The following RPS6KA5 variants were observed in gnomAD, a reference collection of about 807,000 sequenced individuals.
The protein encoded by RPS6KA5 is ribosomal protein S6 kinase A5.
In RPS6KA5, 27 loss-of-function variants were observed where a neutral mutation model predicts 85.5. The ratio of observed to expected loss-of-function variants is 0.32; its 90% confidence interval spans 0.23 to 0.44. RPS6KA5 has a LOEUF of 0.44. Ranked by LOEUF, RPS6KA5 falls within the 20% of genes least tolerant of loss-of-function variation. RPS6KA5 has a pLI of 1.00. For synonymous variants in RPS6KA5, 334 were observed against 348.2 expected (o/e 0.96, Z 0.46); for missense variants, 811 against 980.9 (o/e 0.83, Z 2.31).
chr14:90,987,145 T>C (rs1261833820), intron 2 of RPS6KA5, among the ~76,000 whole-genome samples: 1 of 152,340 alleles, frequency 6.6e-6, no homozygotes, highest in African/African-American at 2.4e-5. Context: ...CACTGAAGCA[T>C]AAGGTATAGT....
chr14:91,047,191 A>T (rs938804102), intron 1 of RPS6KA5, among the ~76,000 whole-genome samples: 6 of 152,246 alleles, frequency 3.9e-5, no homozygotes, highest in African/African-American at 1.2e-4. Flanking sequence ...TCCAGAAAAG[A>T]TGTAAGGCAA....
At chr14:90,905,177 A>C (rs1292724882) in intron 8 of RPS6KA5, among the ~76,000 whole-genome samples, 1 of 152,050 alleles carries the variant, frequency 6.6e-6, no homozygotes, top group African/African-American at 2.4e-5. Context: ...TTTTTTGAGC[A>C]CAGAAGAGCA....
chr14:90,848,952 C>T lies in RPS6KA5; in HGVS notation c.*23122G>A. 6.6e-6 allele frequency: 1 copy of T among 152,226 alleles called. No individual in the cohort carries two copies. Among genetic ancestry groups the T allele is most frequent in the Non-Finnish European group, 1.5e-5 (1 of 68,042 alleles). The allele number at this position is 152,226 out of a possible 1,614,324, so 9.4% of individuals were successfully genotyped here. ...TACGCAGGGAAAGAACCTCATTAAG[C>T]CAGGCAGAGGATGGCAAAGATCAAC... On this transcript the variant is annotated 3_prime_UTR_variant, in exon 17 of 17. Transcript: ENST00000614987.
chr14:90,871,189 T>C lies in RPS6KA5; in HGVS notation c.*885A>G, dbSNP rs2033087198. The C allele has an allele frequency of 6.6e-6, 1 of 152,590 alleles. No individual in the cohort carries two copies. The highest frequency in any genetic ancestry group is 2.1e-4 in the South Asian group (1 of 4,824). 9.5% of individuals were successfully genotyped at this position (152,590 alleles called of 1,614,324 possible). A position where few individuals can be genotyped will look rare whatever the true frequency, so the allele number is the denominator to read the frequency against. The stretch of plus-strand genomic sequence containing the variant: ...ACACAACATGCCCCATTCTACTTGT[T>C]GCATACAAAGTAGAAGAGGAATGTG... On this transcript the variant is annotated 3_prime_UTR_variant, in exon 17 of 17. Coordinates refer to ENST00000614987, the MANE Select transcript of RPS6KA5 (RefSeq NM_004755.4).
intron 14 of RPS6KA5, among the ~76,000 whole-genome samples, chr14:90,875,665 A>T (rs1408639922): frequency 6.6e-6 from 1 of 151,944 alleles, no homozygotes. Flanking sequence ...ATGTCCAACA[A>T]CGATAGACTG....
chr14:90,925,941 C>CAAAAAAAAAAAAAAAAAAAAAAAAAAAA (rs71117389), intron 5 of RPS6KA5, among the ~76,000 whole-genome samples: 1 of 73,526 alleles, frequency 1.4e-5, no homozygotes, highest in Non-Finnish European at 2.5e-5. Context: ...GACCCTGACT[C>CAAAAAAAAAAAAAAAAAAAAAAAAAAAA]AAAAAAAAAA....
In RPS6KA5 at chr14:90,849,999, C is replaced by T. The variant is rs916676028; in HGVS notation, c.*22075G>A. Reference sequence around the variant, plus strand: ...TCGCTTGAGCCCAGCCTGGGCAACACTGTGAGACCCCACCTATATTTAAAA... The same window carrying T: ...TCGCTTGAGCCCAGCCTGGGCAACATTGTGAGACCCCACCTATATTTAAAA... On this transcript the variant is annotated 3_prime_UTR_variant, in exon 17 of 17. Transcript: ENST00000614987. 3 of 152,312 alleles carry T rather than the reference C, an allele frequency of 2.0e-5. No individual in the cohort carries two copies. The highest frequency in any genetic ancestry group is 4.4e-5 in the Non-Finnish European group (3 of 68,116). The allele number at this position is 152,312 out of a possible 1,614,324, so 9.4% of individuals were successfully genotyped here.
intron 1 of RPS6KA5, among the ~76,000 whole-genome samples, chr14:91,037,056 C>T (rs9323856): frequency 0.033 from 5,077 of 152,256 alleles, 203 homozygotes; most frequent in African/African-American, 0.11. Flanking sequence ...CCCCTCCTGC[C>T]TTTGGTCACT....
At chr14:90,914,594 C>A (rs189058468) in intron 7 of RPS6KA5, among the ~76,000 whole-genome samples, 3 of 152,222 alleles carry the variant, frequency 2.0e-5, no homozygotes, top group Admixed American at 2.0e-4. Context: ...GGATTACAAG[C>A]GTGAGCCACT....
intron 2 of RPS6KA5, among the ~76,000 whole-genome samples, chr14:90,983,024 G>T (rs1180734231): frequency 4.0e-5 from 6 of 151,770 alleles, no homozygotes; most frequent in African/African-American, 1.5e-4. Flanking sequence ...GACGCAGGAG[G>T]ATGGCATGAA....
intron 3 of RPS6KA5, among the ~76,000 whole-genome samples, chr14:90,974,109 T>C (rs1019686379): frequency 7.1e-6 from 1 of 139,966 alleles, no homozygotes; most frequent in Non-Finnish European, 1.5e-5. Context: ...AGAAAAAATA[T>C]AACCTTATGA....
intron 7 of RPS6KA5, among the ~76,000 whole-genome samples, chr14:90,907,908 C>A (rs930879802): frequency 3.9e-5 from 6 of 152,170 alleles, no homozygotes; most frequent in Non-Finnish European, 8.8e-5. Flanking sequence ...CTCTACTGTA[C>A]TTTTTGCAGG....
chr14:90,937,727 G>C (rs2037345549), intron 5 of RPS6KA5, among the ~76,000 whole-genome samples: 1 of 152,162 alleles, frequency 6.6e-6, no homozygotes, highest in South Asian at 2.1e-4. Flanking sequence ...GAGAGAACTT[G>C]TGCAGGAAAA....
chr14:90,956,369 CCA>C lies in RPS6KA5; in HGVS notation c.395-8821_395-8820del, dbSNP rs960972184. Among the ~76,000 whole-genome samples the C allele has an allele frequency of 3.0e-4, 45 of 151,968 alleles. 1 individual carries two copies. Among genetic ancestry groups the C allele is most frequent in the Non-Finnish European group, 1.8e-4 (12 of 67,968 alleles). Reference sequence around the variant, plus strand: ...TCCAGCTTTCTTGTGGTTGCTGTTTCCACAGTTTATCTTTTTAATCATTTTTC... The same window carrying C: ...TCCAGCTTTCTTGTGGTTGCTGTTTCCAGTTTATCTTTTTAATCATTTTTC... On this transcript the variant is annotated intron_variant, in intron 3 of 16. Coordinates refer to ENST00000614987, the MANE Select transcript of RPS6KA5 (RefSeq NM_004755.4).
chr14:90,965,534 A>G (rs543907767), intron 3 of RPS6KA5, among the ~76,000 whole-genome samples: 1 of 152,304 alleles, frequency 6.6e-6, no homozygotes, highest in East Asian at 1.9e-4. Flanking sequence ...AGAGGAAGAC[A>G]GTAATGGGAT....
At chr14:90,949,181 C>A (rs565914235) in intron 3 of RPS6KA5, among the ~76,000 whole-genome samples, 1 of 152,174 alleles carries the variant, frequency 6.6e-6, no homozygotes, top group South Asian at 2.1e-4. Context: ...TACTTAAAAA[C>A]TCAATACTTA....
chr14:90,855,024 C>T lies in RPS6KA5; in HGVS notation c.*17050G>A, dbSNP rs374450239. ...AAAGTCTAATCGATTTTTTTCAATACATTTCATCTCTTTGCTTTGCCAGGA... is the reference window on the plus strand; with the variant it reads ...AAAGTCTAATCGATTTTTTTCAATATATTTCATCTCTTTGCTTTGCCAGGA... On this transcript the variant is annotated 3_prime_UTR_variant, in exon 17 of 17. Coordinates refer to ENST00000614987, the MANE Select transcript of RPS6KA5 (RefSeq NM_004755.4). The T allele has an allele frequency of 3.0e-4, 45 of 152,234 alleles. No individual in the cohort carries two copies. The South Asian group carries it at 8.9e-3, about 30-fold the overall frequency. 9.4% of individuals were successfully genotyped at this position (152,234 alleles called of 1,614,324 possible).
chr14:91,007,299 TAA>T (rs756511468), intron 1 of RPS6KA5, among the ~76,000 whole-genome samples: 2 of 152,300 alleles, frequency 1.3e-5, no homozygotes, highest in East Asian at 3.9e-4. Context: ...ATCAACAAAC[TAA>T]AAACTTAGAA....
At chr14:90,885,800 T>C (rs1323961165) in intron 14 of RPS6KA5, among the ~76,000 whole-genome samples, 4 of 143,690 alleles carry the variant, frequency 2.8e-5, no homozygotes, top group Non-Finnish European at 6.1e-5. Flanking sequence ...AACCAATCTT[T>C]ATAAATAAAG....
Sources: gnomAD v4.1 joint callset for allele counts (sites outside exome capture counted in the v4.1 genomes callset) on GRCh38, gnomAD v4.1.1 for gene constraint, MANE v1.5 for transcripts, NCBI Gene and HGNC (gene_info 2026-07-23, HGNC 2026-07-21) for gene names.